TESMIN: variants seen among roughly 807,000 people sequenced by gnomAD.
TESMIN encodes testis expressed metallothionein like protein, also known as CXC domain containing 2.
TESMIN carries 34 observed loss-of-function variants against 47.4 expected under a neutral mutation model. That is an observed-to-expected ratio of 0.72 (90% CI 0.55 to 0.96). The LOEUF (loss-of-function observed/expected upper bound fraction) is 0.96, where lower values mean the gene tolerates loss of function less well. TESMIN is among the 40% of genes least tolerant of loss of function. TESMIN has a pLI of 0.00. For synonymous variants in TESMIN, 278 were observed against 258.9 expected (o/e 1.07, Z -0.71); for missense variants, 610 against 637.2 (o/e 0.96, Z 0.46).
At chr11:68,735,067 A>G (rs1162047557) in intron 6 of TESMIN, among the ~76,000 whole-genome samples, 1 of 152,254 alleles carries the variant, frequency 6.6e-6, no homozygotes, top group Non-Finnish European at 1.5e-5. Context: ...TTTTAGAGGT[A>G]AAGACAATGT....
intron 6 of TESMIN, among the ~76,000 whole-genome samples, chr11:68,723,975 A>G (rs1594290729): frequency 6.6e-6 from 1 of 152,244 alleles, no homozygotes; most frequent in East Asian, 1.9e-4. Flanking sequence ...ATCCTACCTT[A>G]CCCAAACTTT....
chr11:68,713,154 G>GA, intron 8 of TESMIN, 116 bp downstream of exon 8: 6 of 1,096,140 alleles, frequency 5.5e-6, no homozygotes, highest in South Asian at 4.1e-5. Context: ...AACTCTGGAA[G>GA]AAAAAAATAA....
intron 1 of TESMIN, among the ~76,000 whole-genome samples, chr11:68,750,913 C>G: frequency 1.7e-5 from 1 of 57,482 alleles, no homozygotes; most frequent in African/African-American, 7.5e-5. Context: ...AGGGGAGGGG[C>G]GACCAGATGA....
At chr11:68,748,196 T>C (rs1946546238) in intron 2 of TESMIN, among the ~76,000 whole-genome samples, 1 of 152,232 alleles carries the variant, frequency 6.6e-6, no homozygotes. Flanking sequence ...AGAGCAGGTA[T>C]CTTTCAAAAT....
chr11:68,715,675 C>T (rs180896915), intron 7 of TESMIN, among the ~76,000 whole-genome samples, 162 bp downstream of exon 7: 80 of 152,266 alleles, frequency 5.3e-4, no homozygotes, highest in African/African-American at 1.7e-3. Flanking sequence ...AGCCGCTTGT[C>T]GTGGTTCAAT....
intron 6 of TESMIN, 69 bp from the exon 7 acceptor site, chr11:68,716,008 C>T: frequency 9.6e-7 from 1 of 1,039,846 alleles, no homozygotes; most frequent in Non-Finnish European, 1.5e-6. Flanking sequence ...GAAGAGCACA[C>T]ACGTGTAAGG....
rs1946017668 is a variant in TESMIN, at chr11:68,708,103, A to G, written c.*205T>C. 3.5e-6 allele frequency: 2 copies of G among 568,218 alleles called. No homozygotes were observed. The allele number at this position is 568,218 out of a possible 1,614,324, so 35.2% of individuals were successfully genotyped here. ...CAAGCTCTCTCCTCTGGGCCAGACAAACAATGCTCAGGCCATGCACCTCCT... is the reference window on the plus strand; with the variant it reads ...CAAGCTCTCTCCTCTGGGCCAGACAGACAATGCTCAGGCCATGCACCTCCT... On this transcript the variant is annotated 3_prime_UTR_variant, in exon 10 of 10. Coordinates refer to ENST00000255087, the MANE Select transcript of TESMIN (RefSeq NM_004923.3).
Position 68,708,207 on chromosome 11 carries a change from G to T in TESMIN, c.*101C>A. The T allele has an allele frequency of 8.4e-7, 1 of 1,195,958 alleles. No individual in the cohort carries two copies. The highest frequency in any genetic ancestry group is 1.2e-6 in the Non-Finnish European group (1 of 847,340). The allele number at this position is 1,195,958 out of a possible 1,614,324, so 74.1% of individuals were successfully genotyped here. The stretch of plus-strand genomic sequence containing the variant: ...TGGGCCCAGGGATGCAGGGGAGCCT[G>T]GTTGTTGCTGCAGAGCCAGCCTCAT... On this transcript the variant is annotated 3_prime_UTR_variant, in exon 10 of 10. Transcript: ENST00000255087.
rs778057040 is a variant in TESMIN, at chr11:68,708,289, T to C, written c.*19A>G. On this transcript the variant is annotated 3_prime_UTR_variant, in exon 10 of 10. Transcript: ENST00000255087. ...TTTCTAGACTAAGACAAAATCAACA[T>C]GCATTCACACTTTATACTCTACTCC... 1.3e-5 allele frequency: 20 copies of C among 1,546,814 alleles called. No individual in the cohort carries two copies. The highest frequency in any genetic ancestry group is 1.7e-5 in the Non-Finnish European group (20 of 1,144,554).
At chr11:68,730,767 C>T (rs920681068) in intron 6 of TESMIN, among the ~76,000 whole-genome samples, 2 of 151,268 alleles carry the variant, frequency 1.3e-5, no homozygotes, top group African/African-American at 4.9e-5. Flanking sequence ...TGCACTCCAG[C>T]CTGGGCCGAC....
intron 2 of TESMIN, among the ~76,000 whole-genome samples, chr11:68,749,081 G>C (rs533989752): frequency 2.6e-5 from 4 of 152,298 alleles, no homozygotes; most frequent in Non-Finnish European, 5.9e-5. Context: ...TAGGACCTAC[G>C]GGCAGGAGGC....
intron 6 of TESMIN, 125 bp downstream of exon 6, chr11:68,738,575 T>C (rs1946415942): frequency 6.7e-7 from 1 of 1,483,480 alleles, no homozygotes; most frequent in South Asian, 1.4e-5. Context: ...GGTAAAAACA[T>C]TTCTCAGAAG....
chr11:68,743,925 ACTCT>A (rs1946489279), intron 4 of TESMIN, among the ~76,000 whole-genome samples: 1 of 151,598 alleles, frequency 6.6e-6, no homozygotes, highest in Non-Finnish European at 1.5e-5. Flanking sequence ...CACTATATAA[ACTCT>A]CTCCTCCTGC....
rs1158235840 is a variant in TESMIN, at chr11:68,738,506, C to A, written c.917+194G>T. ...GGTTATGGGCCAGACTTTCCAGCAGCCTTTGCAGCCCCAGTGAAACCAGAC... is the reference window on the plus strand; with the variant it reads ...GGTTATGGGCCAGACTTTCCAGCAGACTTTGCAGCCCCAGTGAAACCAGAC... On this transcript the variant is annotated intron_variant, in intron 6 of 9. Transcript: ENST00000255087. 4 of 1,380,702 alleles carry A rather than the reference C, an allele frequency of 2.9e-6. No individual in the cohort carries two copies. In the African/African-American group the frequency reaches 4.4e-5, roughly 15 times the overall value. The allele number at this position is 1,380,702 out of a possible 1,614,324, so 85.5% of individuals were successfully genotyped here.
intron 6 of TESMIN, among the ~76,000 whole-genome samples, chr11:68,727,557 A>T (rs143374044): frequency 6.6e-6 from 1 of 152,392 alleles, no homozygotes; most frequent in East Asian, 1.9e-4. Flanking sequence ...CCTAGTGGAC[A>T]GTGCTCCTTC....
intron 5 of TESMIN, 135 bp from the exon 6 acceptor site, chr11:68,738,923 G>A: frequency 1.4e-6 from 1 of 707,764 alleles, no homozygotes; most frequent in Non-Finnish European, 2.3e-6. Flanking sequence ...ACCATGTCTG[G>A]CCTTATTACC....
At chr11:68,719,023 C>T (rs757222825) in intron 6 of TESMIN, among the ~76,000 whole-genome samples, 2 of 152,182 alleles carry the variant, frequency 1.3e-5, no homozygotes, top group Admixed American at 6.5e-5. Flanking sequence ...AAGGAAGATG[C>T]GGGCTCCAGG....
intron 3 of TESMIN, among the ~76,000 whole-genome samples, chr11:68,746,802 C>T (rs377032057): frequency 6.6e-6 from 1 of 152,206 alleles, no homozygotes; most frequent in East Asian, 1.9e-4. Context: ...GATTACGTAC[C>T]CTATACAAGC....
At chr11:68,736,795 G>A (rs761421045) in intron 6 of TESMIN, 42 of 961,732 alleles carry the variant, frequency 4.4e-5, no homozygotes, top group Middle Eastern at 9.7e-4. Flanking sequence ...AGAACAAAGA[G>A]GAGGAGGAGG....
Sources: gnomAD v4.1 joint callset for allele counts (sites outside exome capture counted in the v4.1 genomes callset) on GRCh38, gnomAD v4.1.1 for gene constraint, MANE v1.5 for transcripts, NCBI Gene and HGNC (gene_info 2026-07-23, HGNC 2026-07-21) for gene names.